Variants in LRCH1 observed in about 807,000 individuals in gnomAD.
LRCH1 encodes leucine-rich repeat and calponin homology domain-containing protein 1.
A neutral mutation model predicts 94.9 loss-of-function variants in LRCH1; 23 were observed. The ratio of observed to expected loss-of-function variants is 0.24; its 90% CI spans 0.17 to 0.34. The LOEUF is 0.34. LRCH1 is among the 10% of genes least tolerant of loss of function. LRCH1 has a pLI of 1.00. For synonymous variants in LRCH1, 364 were observed against 354.9 expected (o/e 1.03, Z -0.29); for missense variants, 790 against 945.9 (o/e 0.84, Z 2.16).
Position 46,744,176 on chromosome 13 carries a change from C to T in LRCH1, c.*2328C>T. 1.0e-6 allele frequency: 1 copy of T among 985,350 alleles called. No homozygotes were observed. Among genetic ancestry groups the T allele is most frequent in the Non-Finnish European group, 1.2e-6 (1 of 829,926 alleles). The allele number at this position is 985,350 out of a possible 1,614,324, so 61.0% of individuals were successfully genotyped here. A position where few individuals can be genotyped will look rare whatever the true frequency, so the allele number is the denominator to read the frequency against. ...TATGCTAACTGGATGCCTGCGGATG[C>T]CTGCCCTTGCAGCTTGACTGGGGAT... On this transcript the variant is annotated 3_prime_UTR_variant, in exon 20 of 20. Transcript: ENST00000389797.
intron 1 of LRCH1, among the ~76,000 whole-genome samples, chr13:46,581,058 C>T (rs1481552752): frequency 6.6e-6 from 1 of 152,114 alleles, no homozygotes; most frequent in Non-Finnish European, 1.5e-5. Flanking sequence ...ACTGCCTCAC[C>T]AATGGATCTA....
rs78871560 is a variant in LRCH1 at position 46,601,794 on chromosome 13, G to A, written c.307+48091G>A. On this transcript the variant is annotated intron_variant, in intron 1 of 19. Coordinates refer to ENST00000389797, the MANE Select transcript of LRCH1 (RefSeq NM_001164211.2). ...GTTTTTCGTAGGGGGTTATGGAGTCGCAATGCCTGGGGTGTTAGGAATATA... is the reference window on the plus strand; with the variant it reads ...GTTTTTCGTAGGGGGTTATGGAGTCACAATGCCTGGGGTGTTAGGAATATA... Among the ~76,000 whole-genome samples the A allele has an allele frequency of 1.4e-3, 219 of 152,244 alleles. 1 individual carries two copies. In the East Asian group the frequency reaches 0.023, roughly 16 times the overall value.
intron 1 of LRCH1, among the ~76,000 whole-genome samples, chr13:46,587,260 G>A (rs2137954323): frequency 6.6e-6 from 1 of 152,240 alleles, no homozygotes; most frequent in South Asian, 2.1e-4. Flanking sequence ...CTGTATATGT[G>A]GCACACTTTC....
chr13:46,638,601 G>T (rs2051121004), intron 1 of LRCH1, among the ~76,000 whole-genome samples: 1 of 152,112 alleles, frequency 6.6e-6, no homozygotes, highest in Non-Finnish European at 1.5e-5. Context: ...GTAAAAAGGA[G>T]GATTCATTTC....
chr13:46,575,618 G>A (rs1198147072), intron 1 of LRCH1, among the ~76,000 whole-genome samples: 1 of 151,754 alleles, frequency 6.6e-6, no homozygotes, highest in Non-Finnish European at 1.5e-5. Context: ...TTGCACAGCT[G>A]TTGCTTGTCA....
At chr13:46,703,718 G>T (rs1871606698) in intron 11 of LRCH1, among the ~76,000 whole-genome samples, 3 of 152,032 alleles carry the variant, frequency 2.0e-5, no homozygotes. Context: ...AGTTTCTAGT[G>T]ATATCACAGA....
chr13:46,615,876 G>C (rs1049444565), intron 1 of LRCH1, among the ~76,000 whole-genome samples: 1 of 152,216 alleles, frequency 6.6e-6, no homozygotes, highest in Admixed American at 6.5e-5. Context: ...TGCTTTGAGT[G>C]TTGGGGAAGA....
chr13:46,658,439 C>T (rs934473466), intron 2 of LRCH1, among the ~76,000 whole-genome samples: 1 of 152,140 alleles, frequency 6.6e-6, no homozygotes, highest in Non-Finnish European at 1.5e-5. Context: ...TTTCTACTTT[C>T]CATTATTACT....
intron 1 of LRCH1, among the ~76,000 whole-genome samples, chr13:46,643,465 C>T (rs1002579143): frequency 6.6e-5 from 10 of 152,170 alleles, no homozygotes; most frequent in African/African-American, 1.2e-4. Flanking sequence ...AGGGACCAGA[C>T]GTTGTTTTAT....
At chr13:46,657,946 T>C (rs1282119565) in intron 2 of LRCH1, among the ~76,000 whole-genome samples, 6 of 152,116 alleles carry the variant, frequency 3.9e-5, no homozygotes, top group Admixed American at 3.9e-4. Context: ...ATCCCTAGGC[T>C]ACACTATTTC....
chr13:46,725,750 C>T (rs17355148), intron 17 of LRCH1, among the ~76,000 whole-genome samples: 4,865 of 152,294 alleles, frequency 0.032, 98 homozygotes, highest in Non-Finnish European at 0.048. Context: ...CTTTAAGCCA[C>T]TGTGGTGATT....
intron 1 of LRCH1, among the ~76,000 whole-genome samples, chr13:46,563,049 C>T (rs1014039714): frequency 5.3e-5 from 8 of 151,404 alleles, no homozygotes; most frequent in African/African-American, 1.7e-4. Flanking sequence ...TGCAAGTGTT[C>T]GATAAGCAAT....
chr13:46,692,712 C>A, intron 8 of LRCH1, 71 bp downstream of exon 8: 1 of 1,110,338 alleles, frequency 9.0e-7, no homozygotes. Flanking sequence ...ATAACCTGTG[C>A]ACAGATAGGG....
rs186449950 is a variant in LRCH1 at position 46,646,915 on chromosome 13, C to G, written c.308-3286C>G. On this transcript the variant is annotated intron_variant, in intron 1 of 19. Transcript: ENST00000389797. Reference sequence around the variant, plus strand: ...CTCACCTGAGGTCCGGGGTTTAAGACCAGCCTGGCCCACATGGTGAAACCC... The same window carrying G: ...CTCACCTGAGGTCCGGGGTTTAAGAGCAGCCTGGCCCACATGGTGAAACCC... Among the ~76,000 whole-genome samples the G allele has an allele frequency of 1.1e-4, 17 of 152,146 alleles. No homozygotes were observed. The East Asian group carries it at 3.3e-3, about 29-fold the overall frequency.
chr13:46,609,305 T>C (rs994937248), intron 1 of LRCH1, among the ~76,000 whole-genome samples: 1 of 152,222 alleles, frequency 6.6e-6, no homozygotes, highest in African/African-American at 2.4e-5. Flanking sequence ...ACAAAGCATC[T>C]ACATTCTTCA....
chr13:46,568,774 A>G (rs2050211933), intron 1 of LRCH1, among the ~76,000 whole-genome samples: 1 of 152,192 alleles, frequency 6.6e-6, no homozygotes, highest in Admixed American at 6.5e-5. Flanking sequence ...TAGAATGGTG[A>G]GTACATAGGT....
chr13:46,599,976 C>G (rs886482228), intron 1 of LRCH1, among the ~76,000 whole-genome samples: 1 of 152,128 alleles, frequency 6.6e-6, no homozygotes, highest in Non-Finnish European at 1.5e-5. Context: ...CTCACGCCAC[C>G]GATCTTAATT....
chr13:46,669,940 G>A (rs540255513), intron 3 of LRCH1, among the ~76,000 whole-genome samples: 90 of 152,324 alleles, frequency 5.9e-4, no homozygotes, highest in Admixed American at 8.5e-4. Flanking sequence ...AAAGGGCACA[G>A]TACCTGTCTT....
intron 1 of LRCH1, among the ~76,000 whole-genome samples, chr13:46,567,807 A>C (rs565892512): frequency 6.6e-6 from 1 of 152,290 alleles, no homozygotes; most frequent in African/African-American, 2.4e-5. Context: ...CCTTGGAATC[A>C]GTATGTTAAT....
Sources: allele counts gnomAD v4.1 joint callset (sites outside exome capture counted in the v4.1 genomes callset), GRCh38; gene constraint gnomAD v4.1.1; transcripts MANE v1.5; gene names NCBI Gene and HGNC (gene_info 2026-07-23, HGNC 2026-07-21).